The following NEBL variants were observed in gnomAD, a reference collection of about 807,000 sequenced individuals.
NEBL encodes the protein nebulette.
A neutral mutation model predicts 140.2 loss-of-function variants in NEBL; 122 were observed. That is an observed-to-expected ratio of 0.87 (90% CI 0.75 to 1.01). The LOEUF is 1.01. NEBL is among the 50% of genes least tolerant of loss of function. The pLI is 0.00. For synonymous variants in NEBL, 436 were observed against 398.9 expected, an observed-to-expected ratio of 1.09 and a Z score of -1.11; for missense variants, 1,365 against 1,231.3, an observed-to-expected ratio of 1.11 and a Z score of -1.62.
intron 2 of NEBL, among the ~76,000 whole-genome samples, chr10:21,142,357 G>A (rs1839668868): frequency 6.6e-6 from 1 of 152,028 alleles, no homozygotes; most frequent in Admixed American, 6.6e-5. Flanking sequence ...GGCTTACTCT[G>A]ACAGCACCAC....
chr10:21,268,857 A>C (rs7091304), intron 1 of NEBL, among the ~76,000 whole-genome samples: 68,889 of 151,998 alleles, frequency 0.45, 17,200 homozygotes, highest in African/African-American at 0.66. Flanking sequence ...GAGACTTTGG[A>C]AACAAGAAGA....
chr10:21,086,050 A>G (rs1836614632), intron 2 of NEBL, among the ~76,000 whole-genome samples: 2 of 152,168 alleles, frequency 1.3e-5, no homozygotes, highest in South Asian at 4.1e-4. Context: ...ATCCATAAAT[A>G]TGTGTGTTTT....
At chr10:20,921,550 A>G (rs1477580915) in intron 4 of NEBL, among the ~76,000 whole-genome samples, 2 of 152,096 alleles carry the variant, frequency 1.3e-5, no homozygotes, top group East Asian at 1.9e-4. Context: ...ATCCCCTCCC[A>G]CAATTCCAGT....
intron 2 of NEBL, among the ~76,000 whole-genome samples, chr10:21,151,577 C>G (rs976613327): frequency 1.3e-5 from 2 of 152,176 alleles, no homozygotes; most frequent in Admixed American, 6.5e-5. Context: ...AGCAACTGCC[C>G]CCCTTAGTCA....
intron 4 of NEBL, among the ~76,000 whole-genome samples, chr10:20,929,542 T>A (rs1210996900): frequency 1.3e-5 from 2 of 152,180 alleles, no homozygotes; most frequent in Admixed American, 1.3e-4. Context: ...CATCTATGTA[T>A]ACATATACAC....
chr10:21,044,374 G>T lies in NEBL; in HGVS notation c.165-24173C>A, dbSNP rs181899078. On this transcript the variant is annotated intron_variant, in intron 2 of 6. Transcript: ENST00000417816. ...ATGGTGCCACCGCACTCCAGCCTGG[G>T]TGACTGGGTGACAGAGTAAGAATAA... Among the ~76,000 whole-genome samples, 13 of 123,736 alleles carry T rather than the reference G, an allele frequency of 1.1e-4. 1 individual carries two copies. Among genetic ancestry groups the T allele is most frequent in the African/African-American group, 3.4e-4 (12 of 34,840 alleles). The allele number at this position is 123,736 out of a possible 152,430, so 81.2% of individuals were successfully genotyped here.
At chr10:20,877,520 T>G (rs1845613416) in intron 5 of NEBL, among the ~76,000 whole-genome samples, 1 of 152,180 alleles carries the variant, frequency 6.6e-6, no homozygotes, top group Non-Finnish European at 1.5e-5. Flanking sequence ...GCCTGTAAAA[T>G]CGAGCTGCAG....
intron 1 of NEBL, among the ~76,000 whole-genome samples, chr10:21,283,114 C>T (rs1843012784): frequency 1.5e-5 from 2 of 137,310 alleles, no homozygotes; most frequent in South Asian, 2.4e-4. Context: ...CTAGCCTGGG[C>T]GACAGGGCAA....
chr10:20,856,349 G>C (rs1045854434), intron 9 of NEBL, among the ~76,000 whole-genome samples: 2 of 152,134 alleles, frequency 1.3e-5, no homozygotes, highest in African/African-American at 4.8e-5. Context: ...TATTGCATAG[G>C]AGTGGCACGC....
At chr10:21,186,257 A>ACAC (rs955598418) in intron 3 of NEBL, among the ~76,000 whole-genome samples, 10 of 124,820 alleles carry the variant, frequency 8.0e-5, no homozygotes, top group Admixed American at 3.3e-4. Context: ...TATATATACA[A>ACAC]ACACACACAC....
intron 2 of NEBL, among the ~76,000 whole-genome samples, chr10:21,083,821 G>A (rs1430940618): frequency 6.6e-6 from 1 of 152,182 alleles, no homozygotes; most frequent in Non-Finnish European, 1.5e-5. Flanking sequence ...CTGCAGCCTA[G>A]GTGACAAATG....
chr10:20,872,200 C>T (rs571019243), intron 5 of NEBL, among the ~76,000 whole-genome samples: 3 of 152,046 alleles, frequency 2.0e-5, no homozygotes, highest in Admixed American at 2.0e-4. Context: ...GCAGCAGGAG[C>T]AGGACTTTGA....
intron 1 of NEBL, among the ~76,000 whole-genome samples, chr10:21,269,300 C>A (rs78201827): frequency 0.028 from 4,333 of 152,214 alleles, 91 homozygotes; most frequent in Middle Eastern, 0.044. Context: ...AGAAATTGGG[C>A]CCTCCTCCCC....
Position 21,266,167 on chromosome 10 carries a change from G to T in NEBL, n.183-14339C>A, listed in dbSNP as rs550454025. ...TTTGTTTTTGTTTTGTTGAGATGGGGTCTCACTCTGTCATCCAGGCTGGAC... is the reference window on the plus strand; with the variant it reads ...TTTGTTTTTGTTTTGTTGAGATGGGTTCTCACTCTGTCATCCAGGCTGGAC... On this transcript the variant is annotated intron_variant and non_coding_transcript_variant, in intron 1 of 8. Coordinates refer to the NEBL transcript ENST00000675702. Among the ~76,000 whole-genome samples the T allele has an allele frequency of 1.6e-4, 24 of 151,918 alleles. 1 individual carries two copies. In the South Asian group the frequency reaches 4.6e-3, roughly 29 times the overall value.
intron 7 of NEBL, among the ~76,000 whole-genome samples, chr10:20,865,319 T>C (rs992335616): frequency 2.0e-5 from 3 of 152,176 alleles, no homozygotes; most frequent in Admixed American, 2.0e-4. Flanking sequence ...TTACTCACAG[T>C]AACTCATTTA....
intron 4 of NEBL, among the ~76,000 whole-genome samples, chr10:20,923,618 G>A (rs1008936304): frequency 9.9e-5 from 12 of 121,802 alleles, no homozygotes; most frequent in African/African-American, 3.2e-4. Flanking sequence ...GGTGGAAATT[G>A]CAGTGAGCCG....
At chr10:21,153,592 A>G (rs922068307) in intron 2 of NEBL, among the ~76,000 whole-genome samples, 5 of 151,142 alleles carry the variant, frequency 3.3e-5, no homozygotes, top group African/African-American at 1.2e-4. Flanking sequence ...ACAATGATGC[A>G]ATCTCAGCTC....
chr10:20,835,401 G>A lies in NEBL; in HGVS notation c.1449+112C>T, dbSNP rs552450477. On this transcript the variant is annotated intron_variant, in intron 14 of 27. Coordinates refer to ENST00000377122, the MANE Select transcript of NEBL (RefSeq NM_006393.3). ...TTCGGAATAGTCTCCATTCCAAACT[G>A]TTAAACCAGCTGCAATGCTTTGAGA... 2.0e-5 allele frequency: 18 copies of A among 879,778 alleles called. No individual in the cohort carries two copies. In the African/African-American group the frequency reaches 2.8e-4, roughly 14 times the overall value. 54.5% of individuals were successfully genotyped at this position (879,778 alleles called of 1,614,324 possible).
At chr10:20,857,190 G>A (rs1321377998) in intron 9 of NEBL, among the ~76,000 whole-genome samples, 1 of 152,198 alleles carries the variant, frequency 6.6e-6, no homozygotes, top group Admixed American at 6.5e-5. Flanking sequence ...AAGGAAGGAA[G>A]ACAGTGGCAG....
Sources: allele counts gnomAD v4.1 joint callset (sites outside exome capture counted in the v4.1 genomes callset), GRCh38; gene constraint gnomAD v4.1.1; transcripts MANE v1.5; gene names NCBI Gene and HGNC (gene_info 2026-07-23, HGNC 2026-07-21).